Variants in MCTP2 observed in about 807,000 individuals in gnomAD.
MCTP2 encodes multiple C2 and transmembrane domain containing 2.
MCTP2 carries 132 observed loss-of-function variants against 111.6 expected under a neutral mutation model. The ratio of observed to expected loss-of-function variants is 1.18; its 90% CI spans 1.03 to 1.37. The LOEUF is 1.37. MCTP2 is among the 40% of genes most tolerant of loss of function. The pLI is 0.00. For missense variants in MCTP2, 1,183 were observed against 1,067.9 expected (o/e 1.11, Z -1.50); for synonymous variants, 395 against 387.7 (o/e 1.02, Z -0.22).
At position 94,316,606 on chromosome 15, in the gene MCTP2, T is replaced by C. The variant is rs560690612; in HGVS notation, c.637+969T>C. ...AACTTATATAACGTCCAGTATTCAATTGAGTGTTTTCTTCTAAATTTTTAT... is the reference window on the plus strand; with the variant it reads ...AACTTATATAACGTCCAGTATTCAACTGAGTGTTTTCTTCTAAATTTTTAT... On this transcript the variant is annotated intron_variant, in intron 4 of 22. Transcript: ENST00000357742. 1.4e-3 allele frequency among the ~76,000 whole-genome samples: 216 copies of C among 152,340 alleles called. 1 individual carries two copies. The highest frequency in any genetic ancestry group is 4.9e-3 in the African/African-American group (204 of 41,584).
chr15:94,298,785 C>CCTCTCTTTCT, intron 2 of MCTP2, 55 bp downstream of exon 2: 1 of 1,190,324 alleles, frequency 8.4e-7, no homozygotes, highest in Non-Finnish European at 1.2e-6. Flanking sequence ...TCTCTCTTTC[C>CCTCTCTTTCT]CTCTCTTTCT....
intron 19 of MCTP2, among the ~76,000 whole-genome samples, chr15:94,452,968 T>C (rs188992485): frequency 2.6e-4 from 40 of 152,232 alleles, no homozygotes; most frequent in Admixed American, 2.2e-3. Context: ...TTTTGTTTTG[T>C]TTTTTTCTCC....
intron 1 of MCTP2, among the ~76,000 whole-genome samples, chr15:94,241,656 AT>A (rs982845364): frequency 6.6e-6 from 1 of 151,858 alleles, no homozygotes. Flanking sequence ...AGATATATAT[AT>A]TTTTTTTCTG....
At chr15:94,306,123 G>A (rs202172111) in intron 2 of MCTP2, among the ~76,000 whole-genome samples, 3 of 152,288 alleles carry the variant, frequency 2.0e-5, no homozygotes, top group African/African-American at 7.2e-5. Flanking sequence ...GAGATGAATG[G>A]GGAGGTTATT....
chr15:94,427,325 GAA>G, intron 17 of MCTP2, among the ~76,000 whole-genome samples: 1 of 152,120 alleles, frequency 6.6e-6, no homozygotes, highest in East Asian at 1.9e-4. Flanking sequence ...ACGCTGATAT[GAA>G]GACATACCTG....
At chr15:94,261,653 C>T (rs1241886051) in intron 1 of MCTP2, among the ~76,000 whole-genome samples, 1 of 152,168 alleles carries the variant, frequency 6.6e-6, no homozygotes, top group Admixed American at 6.5e-5. Flanking sequence ...ACTTTGAAAA[C>T]CAGGCATATG....
intron 1 of MCTP2, among the ~76,000 whole-genome samples, chr15:94,246,013 G>A (rs919084886): frequency 6.6e-6 from 1 of 152,092 alleles, no homozygotes; most frequent in African/African-American, 2.4e-5. Flanking sequence ...TGAGGTCTGT[G>A]TAGGCTGAGA....
At chr15:94,377,250 C>T (rs17630857) in intron 12 of MCTP2, among the ~76,000 whole-genome samples, 22,672 of 152,148 alleles carry the variant, frequency 0.15, 2,170 homozygotes, top group Non-Finnish European at 0.21. Context: ...TAAAGATGCC[C>T]TATTTTCAAA....
At chr15:94,296,884 G>C (rs892389294) in intron 1 of MCTP2, among the ~76,000 whole-genome samples, 3 of 152,176 alleles carry the variant, frequency 2.0e-5, no homozygotes, top group Non-Finnish European at 4.4e-5. Flanking sequence ...CTTGTCATGC[G>C]CTGGTCATTA....
intron 14 of MCTP2, among the ~76,000 whole-genome samples, chr15:94,386,604 G>A (rs2080493083): frequency 6.6e-6 from 1 of 152,152 alleles, no homozygotes; most frequent in African/African-American, 2.4e-5. Context: ...CAGCCGAGCA[G>A]CTCTCAGAGA....
At chr15:94,269,003 A>T (rs1404118311) in intron 1 of MCTP2, among the ~76,000 whole-genome samples, 1 of 152,152 alleles carries the variant, frequency 6.6e-6, no homozygotes, top group African/African-American at 2.4e-5. Flanking sequence ...TGCTCCAACA[A>T]TGTTAGTGTC....
At chr15:94,284,536 C>A (rs1297286105) in intron 1 of MCTP2, among the ~76,000 whole-genome samples, 1 of 152,026 alleles carries the variant, frequency 6.6e-6, no homozygotes, top group African/African-American at 2.4e-5. Flanking sequence ...GGGTAAAATT[C>A]GTGAAGGTAA....
chr15:94,340,605 A>G (rs2077585078), intron 6 of MCTP2, among the ~76,000 whole-genome samples: 1 of 152,190 alleles, frequency 6.6e-6, no homozygotes, highest in South Asian at 2.1e-4. Flanking sequence ...GAGGGGGATC[A>G]GTTAACCAAC....
At position 94,314,387 on chromosome 15, in the gene MCTP2, A is replaced by G. The variant is rs111958428; in HGVS notation, c.528+43A>G. ...AAAAGAAACATTAAATGTTGTAGAT[A>G]TTTCTCATCAAATGTTTGGGTTTGT... On this transcript the variant is annotated intron_variant, in intron 3 of 22. Coordinates refer to ENST00000357742, the MANE Select transcript of MCTP2 (RefSeq NM_001385001.1). The G allele has an allele frequency of 2.9e-6, 4 of 1,369,342 alleles. No individual in the cohort carries two copies. The African/African-American group carries it at 4.4e-5, about 15-fold the overall frequency. 84.8% of individuals were successfully genotyped at this position (1,369,342 alleles called of 1,614,324 possible). A position where few individuals can be genotyped will look rare whatever the true frequency, so the allele number is the denominator to read the frequency against.
At chr15:94,364,427 A>G (rs1405263650) in intron 10 of MCTP2, among the ~76,000 whole-genome samples, 1 of 152,174 alleles carries the variant, frequency 6.6e-6, no homozygotes, top group Non-Finnish European at 1.5e-5. Flanking sequence ...AGTGACTAGA[A>G]AGACATAAGA....
At chr15:94,368,581 A>G (rs1025714723) in intron 11 of MCTP2, among the ~76,000 whole-genome samples, 4 of 152,202 alleles carry the variant, frequency 2.6e-5, no homozygotes, top group Admixed American at 6.5e-5. Context: ...TTCACTGTGT[A>G]GATGTATTGA....
chr15:94,415,655 C>T (rs1169010305), intron 17 of MCTP2, among the ~76,000 whole-genome samples: 1 of 151,274 alleles, frequency 6.6e-6, no homozygotes, highest in African/African-American at 2.4e-5. Context: ...CCCCTCCCAA[C>T]ACACCCCCAT....
chr15:94,236,525 C>A (rs776453100), intron 1 of MCTP2, among the ~76,000 whole-genome samples: 27 of 151,198 alleles, frequency 1.8e-4, no homozygotes, highest in Non-Finnish European at 2.7e-4. Flanking sequence ...GGTTGCTGTG[C>A]CTTTACTTCC....
intron 1 of MCTP2, among the ~76,000 whole-genome samples, chr15:94,240,041 G>T (rs189968232): frequency 9.8e-4 from 148 of 151,216 alleles, no homozygotes; most frequent in African/African-American, 2.3e-3. Flanking sequence ...GTGTTCAGTT[G>T]TCAGGCTGTG....
Sources: gnomAD v4.1 joint callset for allele counts (sites outside exome capture counted in the v4.1 genomes callset) on GRCh38, gnomAD v4.1.1 for gene constraint, MANE v1.5 for transcripts, NCBI Gene and HGNC (gene_info 2026-07-23, HGNC 2026-07-21) for gene names.